The following MYO1D variants were observed in gnomAD, a reference collection of about 807,000 sequenced individuals.
MYO1D encodes unconventional myosin-Id.
A neutral mutation model predicts 122.0 loss-of-function variants in MYO1D; 83 were observed. That is an observed-to-expected ratio of 0.68 (90% CI 0.57 to 0.82). The LOEUF (loss-of-function observed/expected upper bound fraction) is 0.82, where lower values mean the gene tolerates loss of function less well. Ranked by LOEUF, MYO1D falls within the 40% of genes least tolerant of loss-of-function variation. The pLI is 0.00. For synonymous variants in MYO1D, 464 were observed against 446.9 expected (o/e 1.04, Z -0.48); for missense variants, 1,157 against 1,269.5 (o/e 0.91, Z 1.35).
At chr17:32,704,748 G>C (rs376029279) in intron 16 of MYO1D, among the ~76,000 whole-genome samples, 9 of 152,128 alleles carry the variant, frequency 5.9e-5, no homozygotes, top group Non-Finnish European at 1.0e-4. Flanking sequence ...TAAATGCCTG[G>C]TAATAGTAGA....
At chr17:32,525,482 CT>C (rs922925101) in intron 21 of MYO1D, among the ~76,000 whole-genome samples, 230 of 148,458 alleles carry the variant, frequency 1.5e-3, no homozygotes, top group African/African-American at 4.9e-3. Flanking sequence ...TAACCAAGAA[CT>C]TTTTTTTTTC....
At chr17:32,756,713 T>G (rs1026557152) in intron 10 of MYO1D, among the ~76,000 whole-genome samples, 23 of 152,258 alleles carry the variant, frequency 1.5e-4, no homozygotes, top group South Asian at 2.1e-4. Context: ...TTCAGTAGAA[T>G]TTTTACATTT....
intron 16 of MYO1D, among the ~76,000 whole-genome samples, chr17:32,692,381 T>C (rs2089115021): frequency 6.6e-6 from 1 of 152,242 alleles, no homozygotes; most frequent in Non-Finnish European, 1.5e-5. Context: ...TGCCATTATG[T>C]ACCTAACTTG....
intron 19 of MYO1D, among the ~76,000 whole-genome samples, chr17:32,641,421 C>T (rs1298022227): frequency 6.6e-6 from 1 of 152,156 alleles, no homozygotes; most frequent in African/African-American, 2.4e-5. Flanking sequence ...TTTATAGCAG[C>T]ATGATTTATA....
At chr17:32,568,714 T>C (rs1045948622) in intron 21 of MYO1D, among the ~76,000 whole-genome samples, 6 of 152,230 alleles carry the variant, frequency 3.9e-5, no homozygotes, top group African/African-American at 7.2e-5. Flanking sequence ...CCACATTTTC[T>C]GACTCTTCCC....
At chr17:32,765,254 CATCT>C (rs2090043880) in intron 7 of MYO1D, among the ~76,000 whole-genome samples, 173 bp from the exon 8 acceptor site, 1 of 152,134 alleles carries the variant, frequency 6.6e-6, no homozygotes, top group African/African-American at 2.4e-5. Flanking sequence ...TCCGGACACT[CATCT>C]ATCTTTTTGC....
chr17:32,752,216 G>A (rs956691397), intron 11 of MYO1D, among the ~76,000 whole-genome samples: 1 of 152,142 alleles, frequency 6.6e-6, no homozygotes, highest in Non-Finnish European at 1.5e-5. Context: ...GGGAAAAATA[G>A]CTAGCCATAT....
chr17:32,875,241 G>C (rs2091218089), intron 1 of MYO1D, among the ~76,000 whole-genome samples: 1 of 152,154 alleles, frequency 6.6e-6, no homozygotes, highest in Non-Finnish European at 1.5e-5. Flanking sequence ...TATTTCCTGT[G>C]GGGGAGAGGA....
At chr17:32,509,368 G>C (rs1393677899) in intron 21 of MYO1D, among the ~76,000 whole-genome samples, 1 of 152,284 alleles carries the variant, frequency 6.6e-6, no homozygotes, top group East Asian at 1.9e-4. Flanking sequence ...TGCTAATGAA[G>C]TTTTCAGTGA....
intron 20 of MYO1D, chr17:32,632,297 A>G (rs1012704573): frequency 5.2e-4 from 79 of 152,254 alleles, no homozygotes; most frequent in African/African-American, 1.7e-3. Flanking sequence ...TATGGCCTAT[A>G]GACATGTTTT....
intron 1 of MYO1D, among the ~76,000 whole-genome samples, chr17:32,851,015 A>C (rs1014263720): frequency 1.8e-4 from 28 of 152,146 alleles, no homozygotes; most frequent in Admixed American, 1.4e-3. Context: ...AACAACAACA[A>C]CAACAAAAAC....
At chr17:32,777,579 C>G (rs1029035543) in intron 3 of MYO1D, among the ~76,000 whole-genome samples, 1 of 152,190 alleles carries the variant, frequency 6.6e-6, no homozygotes. Flanking sequence ...GGGCCCCAGA[C>G]AGTAGAGATC....
chr17:32,847,248 C>T (rs1313158943), intron 1 of MYO1D, among the ~76,000 whole-genome samples: 3 of 152,086 alleles, frequency 2.0e-5, no homozygotes, highest in African/African-American at 7.2e-5. Flanking sequence ...AACATCAGTA[C>T]CAAAAACTAT....
At chr17:32,759,985 T>C in intron 10 of MYO1D, 1 of 558,776 alleles carries the variant, frequency 1.8e-6, no homozygotes, top group Middle Eastern at 2.7e-4. Flanking sequence ...TATAACTTAA[T>C]AAAGTATGCT....
intron 1 of MYO1D, among the ~76,000 whole-genome samples, chr17:32,848,085 T>G (rs16967683): frequency 6.6e-6 from 1 of 152,170 alleles, no homozygotes; most frequent in Admixed American, 6.5e-5. Context: ...CAGTGTGTAC[T>G]ATGAAAAATG....
At chr17:32,690,217 C>G (rs2089077376) in intron 16 of MYO1D, among the ~76,000 whole-genome samples, 1 of 146,856 alleles carries the variant, frequency 6.8e-6, no homozygotes, top group African/African-American at 2.5e-5. Flanking sequence ...GAGTCTTGCT[C>G]TGTCATCCCG....
intron 1 of MYO1D, among the ~76,000 whole-genome samples, chr17:32,802,891 C>G (rs2090472235): frequency 6.6e-6 from 1 of 152,100 alleles, no homozygotes; most frequent in African/African-American, 2.4e-5. Context: ...ACCTGCTGGT[C>G]TAAAAAAGCT....
chr17:32,674,877 G>T (rs1293649204), intron 16 of MYO1D, among the ~76,000 whole-genome samples: 4 of 152,124 alleles, frequency 2.6e-5, no homozygotes, highest in African/African-American at 9.7e-5. Flanking sequence ...TCCTCAAAGG[G>T]GATTTTAGAA....
intron 16 of MYO1D, among the ~76,000 whole-genome samples, chr17:32,689,864 G>T (rs1016616613): frequency 1.3e-5 from 2 of 151,386 alleles, no homozygotes; most frequent in African/African-American, 4.9e-5. Flanking sequence ...GATTACATGT[G>T]CCCACCACCA....
Sources: gnomAD v4.1 joint callset for allele counts (sites outside exome capture counted in the v4.1 genomes callset) on GRCh38, gnomAD v4.1.1 for gene constraint, MANE v1.5 for transcripts, NCBI Gene and HGNC (gene_info 2026-07-23, HGNC 2026-07-21) for gene names.